MTRR: variants seen among roughly 807,000 people sequenced by gnomAD.
MTRR encodes methionine synthase reductase.
A neutral mutation model predicts 79.2 loss-of-function variants in MTRR; 63 were observed. The ratio of observed to expected loss-of-function variants is 0.80; its 90% CI spans 0.65 to 0.98. The LOEUF (loss-of-function observed/expected upper bound fraction) is 0.98. Ranked by LOEUF, MTRR falls within the 50% of genes least tolerant of loss-of-function variation. MTRR has a pLI of 0.00. For synonymous variants in MTRR, 355 were observed against 313.3 expected, an observed-to-expected ratio of 1.13 and a Z score of -1.41; for missense variants, 895 against 839.6, an observed-to-expected ratio of 1.07 and a Z score of -0.82.
upstream of MTRR, chr5:7,868,853 C>A: frequency 3.7e-6 from 2 of 543,474 alleles, no homozygotes; most frequent in Non-Finnish European, 6.6e-6. Context: ...GCGAGCACCC[C>A]CAAACTCGGC....
rs750513608 is a variant in MTRR, at chr5:7,862,942, G to A, written n.498+885G>A. 7.4e-6 allele frequency: 12 copies of A among 1,613,874 alleles called. No individual in the cohort carries two copies. The highest frequency in any genetic ancestry group is 1.0e-5 in the Non-Finnish European group (12 of 1,179,946). ...CTGAGAATCCACAGGGGTCTCCAGG[G>A]AACAGCATGGGGTAAGAAATGACTT... On this transcript the variant is annotated intron_variant and non_coding_transcript_variant, in intron 2 of 3. Coordinates refer to the MTRR transcript ENST00000502509.
upstream of MTRR, among the ~76,000 whole-genome samples, chr5:7,864,798 C>G (rs1195569363): frequency 6.9e-6 from 1 of 145,536 alleles, no homozygotes. Flanking sequence ...AATGTGACAT[C>G]TGTAACTATT....
chr5:7,868,878 C>T (rs1747292372), upstream of MTRR: 1 of 565,822 alleles, frequency 1.8e-6, no homozygotes, highest in African/African-American at 1.9e-5. Context: ...CGGGGACCTG[C>T]GCTGAGACAC....
Position 7,900,630 on chromosome 5 carries a change from G to C in MTRR, c.*572G>C, listed in dbSNP as rs1739329485. 2 of 152,892 alleles carry C rather than the reference G, an allele frequency of 1.3e-5. No homozygotes were observed. Among genetic ancestry groups the C allele is most frequent in the Non-Finnish European group, 2.9e-5 (2 of 68,262 alleles). The allele number at this position is 152,892 out of a possible 1,614,324, so 9.5% of individuals were successfully genotyped here. Reference sequence around the variant, plus strand: ...AAATATTTTAGGATAATTGCCTACAGAGGGATTTATTTTTATGATGCTGGA... The same window carrying C: ...AAATATTTTAGGATAATTGCCTACACAGGGATTTATTTTTATGATGCTGGA... On this transcript the variant is annotated 3_prime_UTR_variant, in exon 15 of 15. Coordinates refer to ENST00000440940, the MANE Select transcript of MTRR (RefSeq NM_002454.3).
intron 11 of MTRR, among the ~76,000 whole-genome samples, chr5:7,894,822 G>C (rs550377258): frequency 3.9e-4 from 60 of 152,310 alleles, no homozygotes; most frequent in African/African-American, 1.3e-3. Flanking sequence ...AGACAGGGGC[G>C]TTGTTTTGTT....
At chr5:7,852,700 T>G (rs1025581677) in intron 1 of MTRR, among the ~76,000 whole-genome samples, 1 of 151,660 alleles carries the variant, frequency 6.6e-6, no homozygotes, top group African/African-American at 2.4e-5. Flanking sequence ...GACTCATACT[T>G]TTTTGCTTTT....
intron 4 of MTRR, among the ~76,000 whole-genome samples, chr5:7,876,686 C>T (rs946073231): frequency 7.2e-5 from 11 of 152,232 alleles, no homozygotes; most frequent in African/African-American, 2.7e-4. Flanking sequence ...CTTGATCCCC[C>T]ACTTACTGAC....
upstream of MTRR, chr5:7,868,087 A>G (rs1346291074): frequency 6.4e-7 from 1 of 1,565,360 alleles, no homozygotes; most frequent in African/African-American, 1.4e-5. Context: ...ATGCCATACC[A>G]TCAGATTCTC....
In MTRR at chr5:7,873,425, G is replaced by GC; in HGVS notation, c.183dup (p.Thr62HisfsTer13). Reference sequence around the variant, plus strand: ...CTTGTTGTTGTGGTTTCTACCACGGGCACCGGAGACCCACCCGACACAGCC... The same window carrying GC: ...CTTGTTGTTGTGGTTTCTACCACGGGCCACCGGAGACCCACCCGACACAGCC... On this transcript the variant is annotated frameshift_variant, in exon 3 of 15. Transcript: ENST00000440940. LOFTEE classifies it high-confidence loss of function. 6.2e-7 allele frequency: 1 copy of GC among 1,614,114 alleles called. No homozygotes were observed.
chr5:7,860,855 C>A (rs1746486573), intron 1 of MTRR, among the ~76,000 whole-genome samples: 1 of 152,206 alleles, frequency 6.6e-6, no homozygotes. Context: ...ATCTCACAAA[C>A]TAATAATTAT....
upstream of MTRR, chr5:7,867,633 T>C (rs1747092876): frequency 1.2e-6 from 2 of 1,614,248 alleles, no homozygotes; most frequent in East Asian, 2.2e-5. Flanking sequence ...AGTATTTCTT[T>C]TGGCAGCCCT....
At chr5:7,871,099 G>A (rs1467381067) in intron 2 of MTRR, among the ~76,000 whole-genome samples, 176 bp downstream of exon 2, 1 of 152,148 alleles carries the variant, frequency 6.6e-6, no homozygotes, top group African/African-American at 2.4e-5. Flanking sequence ...ATATAGAAGT[G>A]TGTAGTTGAA....
rs771615016 is a variant in MTRR at position 7,870,796 on chromosome 5, TGAG to T, written c.7_9del (p.Arg3?). 5.6e-6 allele frequency: 9 copies of T among 1,614,206 alleles called. No individual in the cohort carries two copies. The highest frequency in any genetic ancestry group is 5.3e-5 in the African/African-American group (4 of 75,058). On this transcript the variant is annotated start_lost and inframe_deletion, in exon 2 of 15. Transcript: ENST00000440940. ...TTCACTGTTACATGCCTTGAAGTGA[TGAG>T]GAGGTTTCTGTTACTATATGCTACA...
At chr5:7,895,430 C>G (rs926086449) in intron 11 of MTRR, among the ~76,000 whole-genome samples, 1 of 152,160 alleles carries the variant, frequency 6.6e-6, no homozygotes, top group Admixed American at 6.5e-5. Context: ...CACCAGAAAG[C>G]AGATCTTATC....
Position 7,873,511 on chromosome 5 carries a change from C to A in MTRR, c.268C>A (p.Arg90=). 6.2e-7 allele frequency: 1 copy of A among 1,614,090 alleles called. No homozygotes were observed. Among genetic ancestry groups the A allele is most frequent in the Non-Finnish European group, 8.5e-7 (1 of 1,180,000 alleles). The change falls in exon 3 of 15, where the codon CGG becomes AGG. Residue 90 remains arginine (R), a synonymous_variant. Transcript: ENST00000440940. ...GCCGGTTGATTTCTTTGCTCACCTG[C>A]GGTATGGGTTACTGGGTAATGGACT... ...TLPVDFFAHL[R]YGLLGLGDSE... is the part of the protein sequence containing the mutation.
intron 11 of MTRR, among the ~76,000 whole-genome samples, chr5:7,895,388 A>G (rs1250677641): frequency 6.6e-6 from 1 of 152,196 alleles, no homozygotes; most frequent in African/African-American, 2.4e-5. Context: ...TATTTAGGGT[A>G]CATTTCTCCA....
At chr5:7,890,065 G>A (rs1397316518) in intron 9 of MTRR, among the ~76,000 whole-genome samples, 1 of 152,142 alleles carries the variant, frequency 6.6e-6, no homozygotes, top group Non-Finnish European at 1.5e-5. Flanking sequence ...TTACTTTCTT[G>A]TGCTTGTAAC....
intron 1 of MTRR, chr5:7,859,567 C>A: frequency 7.2e-7 from 1 of 1,398,048 alleles, no homozygotes; most frequent in South Asian, 1.2e-5. Flanking sequence ...TAAAACTGGT[C>A]AAGATCCTTC....
chr5:7,886,802 A>C, intron 8 of MTRR, 99 bp downstream of exon 8: 2 of 944,674 alleles, frequency 2.1e-6, no homozygotes, highest in Non-Finnish European at 3.4e-6. Flanking sequence ...TGCAGTCTTA[A>C]AAAATGTGAT....
Sources: allele counts gnomAD v4.1 joint callset (sites outside exome capture counted in the v4.1 genomes callset), GRCh38; gene constraint gnomAD v4.1.1; transcripts MANE v1.5; gene names NCBI Gene and HGNC (gene_info 2026-07-23, HGNC 2026-07-21).